RERE: variants seen among roughly 807,000 people sequenced by gnomAD.
RERE encodes the protein arginine-glutamic acid dipeptide repeats, also known as arginine-glutamic acid dipeptide repeats protein.
Under a neutral mutation model 146.1 loss-of-function variants are expected in RERE, and 40 were observed. The observed-to-expected ratio is 0.27, with a 90% confidence interval of 0.21 to 0.36. The LOEUF is 0.36. Ranked by LOEUF, RERE falls within the 10% of genes least tolerant of loss-of-function variation. RERE has a pLI of 1.00. For missense variants in RERE, 1,933 were observed against 2,138.7 expected, an observed-to-expected ratio of 0.90 and a Z score of 1.90; for synonymous variants, 1,003 against 866.0, an observed-to-expected ratio of 1.16 and a Z score of -2.78.
intron 10 of RERE, among the ~76,000 whole-genome samples, chr1:8,468,213 G>A (rs971246305): frequency 9.2e-5 from 14 of 151,890 alleles, no homozygotes; most frequent in South Asian, 4.2e-4. Context: ...CAATAAATTC[G>A]TATTTATTAT....
chr1:8,598,573 C>T (rs546199024), intron 4 of RERE, among the ~76,000 whole-genome samples: 74 of 152,314 alleles, frequency 4.9e-4, no homozygotes, highest in African/African-American at 1.7e-3. Flanking sequence ...CCCACCAGGG[C>T]TGGATTCCAC....
chr1:8,674,090 T>G (rs1349267732), intron 1 of RERE, among the ~76,000 whole-genome samples: 1 of 152,202 alleles, frequency 6.6e-6, no homozygotes, highest in Non-Finnish European at 1.5e-5. Flanking sequence ...ATATTTATTC[T>G]TTGGTATTAT....
At chr1:8,688,214 G>C (rs1210779779) in intron 1 of RERE, among the ~76,000 whole-genome samples, 1 of 152,162 alleles carries the variant, frequency 6.6e-6, no homozygotes, top group Admixed American at 6.5e-5. Flanking sequence ...AAGTCAGGAG[G>C]ATCGCTTGAA....
At chr1:8,472,092 A>G (rs1006696627) in intron 10 of RERE, among the ~76,000 whole-genome samples, 1 of 152,226 alleles carries the variant, frequency 6.6e-6, no homozygotes, top group Non-Finnish European at 1.5e-5. Flanking sequence ...GATTACAGGC[A>G]TGAGTCACTG....
chr1:8,541,164 T>G (rs1032372196), intron 7 of RERE, 50 bp downstream of exon 7: 1 of 1,013,392 alleles, frequency 9.9e-7, no homozygotes, highest in South Asian at 1.4e-5. Flanking sequence ...CACACACAAA[T>G]GAGAAAAGGA....
chr1:8,575,829 C>A (rs972445240), intron 4 of RERE, among the ~76,000 whole-genome samples: 4 of 151,904 alleles, frequency 2.6e-5, no homozygotes, highest in Non-Finnish European at 5.9e-5. Context: ...AAACCTGAAT[C>A]TAATAATGAA....
At chr1:8,556,675 G>A (rs187919087) in intron 5 of RERE, 104 bp from the exon 6 acceptor site, 48 of 710,074 alleles carry the variant, frequency 6.8e-5, no homozygotes, top group Admixed American at 4.0e-4. Context: ...CTAAATAACC[G>A]GGCCTGGTTA....
chr1:8,692,969 TG>T (rs1366788945), intron 1 of RERE, among the ~76,000 whole-genome samples: 2 of 152,164 alleles, frequency 1.3e-5, no homozygotes, highest in Non-Finnish European at 2.9e-5. Context: ...TCGTTTCTCC[TG>T]CTCCATGACA....
chr1:8,661,041 C>T (rs1401733972), intron 1 of RERE, among the ~76,000 whole-genome samples: 1 of 151,360 alleles, frequency 6.6e-6, no homozygotes, highest in Admixed American at 6.6e-5. Flanking sequence ...ACAAAAGGCA[C>T]CATACCTAAT....
intron 1 of RERE, among the ~76,000 whole-genome samples, chr1:8,741,523 G>A (rs534123912): frequency 2.0e-5 from 3 of 152,158 alleles, no homozygotes; most frequent in East Asian, 1.9e-4. Context: ...TGCTGTTCTC[G>A]TGATGGTCAG....
At chr1:8,706,193 C>T (rs1424662837) in intron 1 of RERE, among the ~76,000 whole-genome samples, 1 of 151,484 alleles carries the variant, frequency 6.6e-6, no homozygotes, top group East Asian at 1.9e-4. Flanking sequence ...GTGGTTCACG[C>T]CTGTAGTCCC....
chr1:8,794,351 C>G (rs1256573792), intron 1 of RERE, among the ~76,000 whole-genome samples: 2 of 137,184 alleles, frequency 1.5e-5, no homozygotes, highest in African/African-American at 5.5e-5. Flanking sequence ...GAGCGAGACT[C>G]CGTCTCAAAA....
intron 7 of RERE, among the ~76,000 whole-genome samples, chr1:8,530,326 G>GT (rs1217971614): frequency 6.6e-6 from 1 of 152,090 alleles, no homozygotes; most frequent in Non-Finnish European, 1.5e-5. Flanking sequence ...AAACCACTTT[G>GT]TCCACTATAA....
At chr1:8,523,180 G>A (rs979765599) in intron 7 of RERE, among the ~76,000 whole-genome samples, 3 of 152,236 alleles carry the variant, frequency 2.0e-5, no homozygotes, top group South Asian at 2.1e-4. Context: ...GGGTGACAGC[G>A]TGAGAACCTA....
At chr1:8,655,811 C>T (rs933546227) in intron 2 of RERE, among the ~76,000 whole-genome samples, 162 bp downstream of exon 2, 11 of 152,102 alleles carry the variant, frequency 7.2e-5, no homozygotes, top group African/African-American at 2.4e-5. Context: ...GTGGGTGAAC[C>T]TAACTGACCA....
intron 4 of RERE, among the ~76,000 whole-genome samples, chr1:8,600,918 C>T (rs1646615187): frequency 6.7e-6 from 1 of 148,672 alleles, no homozygotes; most frequent in South Asian, 2.1e-4. Flanking sequence ...CCATGCCCGG[C>T]TAATTTTTTG....
chr1:8,403,742 C>A (rs1643345929), intron 12 of RERE, among the ~76,000 whole-genome samples: 1 of 150,184 alleles, frequency 6.7e-6, no homozygotes, highest in South Asian at 2.1e-4. Context: ...TCATTAATAT[C>A]TGCTATTACC....
intron 12 of RERE, among the ~76,000 whole-genome samples, chr1:8,406,637 T>C (rs911105702): frequency 3.9e-5 from 6 of 152,186 alleles, no homozygotes; most frequent in African/African-American, 1.4e-4. Flanking sequence ...ACCAAATGGT[T>C]TTTTAAAAAA....
At chr1:8,585,061 T>C (rs1646410761) in intron 4 of RERE, among the ~76,000 whole-genome samples, 1 of 149,160 alleles carries the variant, frequency 6.7e-6, no homozygotes, top group Non-Finnish European at 1.5e-5. Context: ...GGTAGGAGGA[T>C]CACTTGAACC....
Sources: allele counts gnomAD v4.1 joint callset (sites outside exome capture counted in the v4.1 genomes callset), GRCh38; gene constraint gnomAD v4.1.1; transcripts MANE v1.5; gene names NCBI Gene and HGNC (gene_info 2026-07-23, HGNC 2026-07-21).